Variants in TMCO5A observed in about 807,000 individuals in gnomAD.
TMCO5A encodes the protein transmembrane and coiled-coil domains 5A.
A neutral mutation model predicts 42.3 loss-of-function variants in TMCO5A; 34 were observed. The observed-to-expected ratio is 0.80, with a 90% CI of 0.61 to 1.07. The LOEUF is 1.07. Ranked by LOEUF, TMCO5A falls within the 50% of genes least tolerant of loss-of-function variation. The probability of loss-of-function intolerance (pLI) is 0.00; values close to 1 mark genes in which losing one functional copy is unlikely to be tolerated. For missense variants in TMCO5A, 357 were observed against 327.9 expected (o/e 1.09, Z -0.69); for synonymous variants, 131 against 115.6 (o/e 1.13, Z -0.86).
At chr15:37,980,933 T>A in the TMCO5A span, among the ~76,000 whole-genome samples, 6 of 152,212 alleles carry the variant, frequency 3.9e-5, no homozygotes, top group African/African-American at 9.6e-5. Flanking sequence ...AAACTTTTTT[T>A]AAAATTTTTC....
At chr15:38,004,590 C>T in the TMCO5A span, among the ~76,000 whole-genome samples, 1 of 152,336 alleles carries the variant, frequency 6.6e-6, no homozygotes, top group South Asian at 2.1e-4. Flanking sequence ...TCTCCTCTGG[C>T]TAGGGCTGGC....
chr15:37,956,867 C>G (rs761498359), intron 11 of TMCO5A, among the ~76,000 whole-genome samples: 2 of 152,122 alleles, frequency 1.3e-5, no homozygotes, highest in African/African-American at 4.8e-5. Context: ...CCAAATCCAG[C>G]AGCATATCAA....
intron 6 of TMCO5A, among the ~76,000 whole-genome samples, chr15:37,939,587 G>A (rs1348892813): frequency 6.6e-6 from 1 of 152,072 alleles, no homozygotes; most frequent in Non-Finnish European, 1.5e-5. Flanking sequence ...ACAAAGTCTA[G>A]TCTTAGTCAG....
intron 1 of TMCO5A, 132 bp from the exon 2 acceptor site, chr15:37,935,125 A>G (rs1889468119): frequency 6.6e-6 from 1 of 152,140 alleles, no homozygotes; most frequent in African/African-American, 2.4e-5. Context: ...CATGGTTAAA[A>G]TGTGGGGATT....
chr15:37,950,177 C>T (rs969909977), intron 11 of TMCO5A, among the ~76,000 whole-genome samples: 1 of 152,074 alleles, frequency 6.6e-6, no homozygotes, highest in African/African-American at 2.4e-5. Context: ...TAAATCCAGC[C>T]CAAACTCCAA....
At chr15:38,008,590 T>C in the TMCO5A span, among the ~76,000 whole-genome samples, 7 of 152,280 alleles carry the variant, frequency 4.6e-5, no homozygotes, top group Middle Eastern at 6.8e-3. Flanking sequence ...AGGATCAAAA[T>C]GACAAAGCAT....
intron 11 of TMCO5A, among the ~76,000 whole-genome samples, chr15:37,948,178 T>C (rs1409916766): frequency 6.6e-6 from 1 of 152,134 alleles, no homozygotes; most frequent in Non-Finnish European, 1.5e-5. Context: ...TTGAAAATAC[T>C]TGTTAAATTG....
chr15:37,943,610 A>G (rs931300359), intron 10 of TMCO5A: 7 of 527,074 alleles, frequency 1.3e-5, no homozygotes, highest in Non-Finnish European at 2.0e-5. Flanking sequence ...CCATACAAAT[A>G]ACAGGCTCTC....
intron 11 of TMCO5A, among the ~76,000 whole-genome samples, chr15:37,963,528 A>C (rs931349849): frequency 4.6e-5 from 7 of 152,138 alleles, no homozygotes; most frequent in African/African-American, 1.2e-4. Flanking sequence ...TGTATTGTGC[A>C]GTTGTTGGAT....
chr15:37,997,865 C>T, the TMCO5A span, among the ~76,000 whole-genome samples: 3 of 152,102 alleles, frequency 2.0e-5, no homozygotes, highest in Non-Finnish European at 2.9e-5. Context: ...ATATAATCGC[C>T]AGCATTTGTT....
chr15:37,976,244 TA>T, the TMCO5A span, among the ~76,000 whole-genome samples: 679 of 141,242 alleles, frequency 4.8e-3, no homozygotes, highest in Middle Eastern at 0.011. Context: ...GACCCCATCT[TA>T]AAAAAAAAAA....
Position 37,964,454 on chromosome 15 carries a change from C to T in TMCO5A, c.669-2171C>T, listed in dbSNP as rs146547706. ...CCTTCAGAGGATCTGTAGGTCCTCT[C>T]AGAATTGCTGTTTTTTTTTCTTGAA... On this transcript the variant is annotated intron_variant, in intron 11 of 11. Coordinates refer to the TMCO5A transcript ENST00000559502. Among the ~76,000 whole-genome samples the T allele has an allele frequency of 1.9e-3, 291 of 151,918 alleles. 3 individuals are homozygous for T. The highest frequency in any genetic ancestry group is 6.7e-3 in the African/African-American group (278 of 41,294).
the TMCO5A span, among the ~76,000 whole-genome samples, chr15:37,984,369 A>G: frequency 6.6e-6 from 1 of 152,186 alleles, no homozygotes; most frequent in South Asian, 2.1e-4. Context: ...AGACTCTGAA[A>G]TCTAAGTTGG....
chr15:37,996,035 A>T, the TMCO5A span, among the ~76,000 whole-genome samples: 2 of 152,300 alleles, frequency 1.3e-5, no homozygotes, highest in African/African-American at 4.8e-5. Context: ...TTCTGCAAAT[A>T]AGCACCTAAA....
chr15:37,966,535 C>A (rs181891599), intron 11 of TMCO5A: 2 of 700,242 alleles, frequency 2.9e-6, no homozygotes, highest in Admixed American at 2.0e-5. Flanking sequence ...TTTTTCAGTG[C>A]GTGAATAGAC....
At chr15:38,040,849 A>G in the TMCO5A span, 1 of 152,238 alleles carries the variant, frequency 6.6e-6, no homozygotes, top group African/African-American at 2.4e-5. Flanking sequence ...ATGGGATAAT[A>G]AAATGTTCCA....
chr15:37,936,832 G>T lies in TMCO5A; in HGVS notation c.141-15G>T. The stretch of plus-strand genomic sequence containing the variant: ...CCAAGCATGGGTCCTCATGGCATGT[G>T]CTTGTGTTGTCCAGGCTGGAAAGTG... On this transcript the variant is annotated splice_polypyrimidine_tract_variant and intron_variant, in intron 3 of 11. Coordinates refer to ENST00000319669, the MANE Select transcript of TMCO5A (RefSeq NM_152453.4). 6.2e-7 allele frequency: 1 copy of T among 1,610,644 alleles called. No homozygotes were observed.
Position 37,960,581 on chromosome 15 carries a change from T to C in TMCO5A, c.669-6044T>C, listed in dbSNP as rs183743219. The stretch of plus-strand genomic sequence containing the variant: ...TTGCTGGATCAAATGGTAGTTCTAC[T>C]TTTAGTTGTTTAAAGAATCTCCACA... On this transcript the variant is annotated intron_variant, in intron 11 of 11. Coordinates refer to the TMCO5A transcript ENST00000559502. Among the ~76,000 whole-genome samples the C allele has an allele frequency of 2.6e-5, 4 of 152,252 alleles. No homozygotes were observed. In the East Asian group the frequency reaches 5.8e-4, roughly 22 times the overall value.
At chr15:37,948,302 A>G (rs1381651375) in intron 11 of TMCO5A, among the ~76,000 whole-genome samples, 3 of 152,132 alleles carry the variant, frequency 2.0e-5, no homozygotes, top group African/African-American at 7.2e-5. Context: ...AAAAGGTCAA[A>G]TTATATTCAA....
Sources: allele counts gnomAD v4.1 joint callset (sites outside exome capture counted in the v4.1 genomes callset), GRCh38; gene constraint gnomAD v4.1.1; transcripts MANE v1.5; gene names NCBI Gene and HGNC (gene_info 2026-07-23, HGNC 2026-07-21).